The following ADSL variants were observed in gnomAD, a reference collection of about 807,000 sequenced individuals.
ADSL encodes adenylosuccinate lyase.
In ADSL, 44 loss-of-function variants were observed where a neutral mutation model predicts 62.1. The ratio of observed to expected loss-of-function variants is 0.71; its 90% CI spans 0.56 to 0.91. The LOEUF is 0.91. ADSL is among the 40% of genes least tolerant of loss of function. The pLI is 0.00. For synonymous variants in ADSL, 198 were observed against 220.5 expected, an observed-to-expected ratio of 0.90 and a Z score of 0.90; for missense variants, 531 against 627.4, an observed-to-expected ratio of 0.85 and a Z score of 1.64.
chr22:40,372,410 C>T (rs147019181), downstream of ADSL, among the ~76,000 whole-genome samples: 2,767 of 152,130 alleles, frequency 0.018, 87 homozygotes, highest in African/African-American at 0.064. Flanking sequence ...CAGGCGTGAG[C>T]CACCGTGCCT....
chr22:40,374,909 A>G (rs1020997107), intron 2 of ADSL, among the ~76,000 whole-genome samples: 1 of 152,220 alleles, frequency 6.6e-6, no homozygotes, highest in African/African-American at 2.4e-5. Context: ...TACCAGTACT[A>G]TCAGTAGTAG....
downstream of ADSL, among the ~76,000 whole-genome samples, chr22:40,370,354 C>CAAAAAAAA (rs11328048): frequency 5.1e-4 from 44 of 86,392 alleles, no homozygotes; most frequent in African/African-American, 2.0e-3. Flanking sequence ...GACTCCATCT[C>CAAAAAAAA]AAAAAAAAAA....
At chr22:40,353,918 G>A (rs1454765181) in intron 3 of ADSL, 66 of 401,448 alleles carry the variant, frequency 1.6e-4, no homozygotes, top group Non-Finnish European at 3.7e-5. Flanking sequence ...GAGCCACCGC[G>A]CCCGGCCCAA....
At chr22:40,354,360 A>C (rs1277999228) in intron 4 of ADSL, 33 bp downstream of exon 4, 1 of 1,541,680 alleles carries the variant, frequency 6.5e-7, no homozygotes, top group African/African-American at 1.4e-5. Context: ...GTTTATGTGC[A>C]TATGGCTTTC....
chr22:40,361,743 A>G, intron 9 of ADSL, 108 bp downstream of exon 9: 5 of 1,438,940 alleles, frequency 3.5e-6, no homozygotes, highest in Non-Finnish European at 4.8e-6. Context: ...CTTATCCCCA[A>G]GGATCCCAGA....
intron 9 of ADSL, among the ~76,000 whole-genome samples, chr22:40,361,992 T>G (rs754565777): frequency 6.6e-6 from 1 of 152,124 alleles, no homozygotes; most frequent in Non-Finnish European, 1.5e-5. Context: ...ACTACTTGAG[T>G]AGCCCTGGGG....
intron 11 of ADSL, 36 bp downstream of exon 11, chr22:40,364,401 G>A (rs1242590460): frequency 3.8e-6 from 6 of 1,575,830 alleles, no homozygotes; most frequent in Admixed American, 1.7e-5. Flanking sequence ...TAAGTTGAGA[G>A]TGCACGTTTG....
At chr22:40,381,464 G>A (rs1422011417) in intron 2 of ADSL, among the ~76,000 whole-genome samples, 3 of 152,100 alleles carry the variant, frequency 2.0e-5, no homozygotes, top group Non-Finnish European at 4.4e-5. Context: ...GCATTTTAAC[G>A]ATGCAAGATA....
At chr22:40,346,810 G>C in intron 1 of ADSL, 99 bp downstream of exon 1, 1 of 1,296,590 alleles carries the variant, frequency 7.7e-7, no homozygotes, top group Non-Finnish European at 1.1e-6. Flanking sequence ...CCCCGGAGCT[G>C]CGGCCCGGCT....
intron 2 of ADSL, among the ~76,000 whole-genome samples, chr22:40,381,541 C>A (rs536786579): frequency 1.3e-5 from 2 of 152,292 alleles, no homozygotes; most frequent in South Asian, 4.1e-4. Flanking sequence ...AAAGGTAAAT[C>A]TAGAAGCTAA....
At chr22:40,353,451 C>T (rs928726923) in intron 3 of ADSL, 1 of 699,898 alleles carries the variant, frequency 1.4e-6, no homozygotes, top group East Asian at 2.7e-5. Flanking sequence ...TGCCACCTCA[C>T]CTGGCTAATT....
chr22:40,364,491 A>G, intron 11 of ADSL, 126 bp downstream of exon 11: 1 of 855,238 alleles, frequency 1.2e-6, no homozygotes, highest in Non-Finnish European at 1.9e-6. Flanking sequence ...GGTACAGAGC[A>G]GTGGCCATAA....
chr22:40,364,165 A>G (rs1447202941), intron 10 of ADSL, 111 bp from the exon 11 acceptor site: 3 of 804,094 alleles, frequency 3.7e-6, no homozygotes, highest in Non-Finnish European at 6.3e-6. Context: ...GTTACTCTCC[A>G]TAATGTGGTA....
At chr22:40,380,175 T>C (rs1328523011) in intron 2 of ADSL, among the ~76,000 whole-genome samples, 1 of 152,176 alleles carries the variant, frequency 6.6e-6, no homozygotes, top group African/African-American at 2.4e-5. Context: ...CTTTATACAG[T>C]GCTGGAAATG....
At chr22:40,352,741 C>T (rs1218089499) in intron 2 of ADSL, among the ~76,000 whole-genome samples, 3 of 152,114 alleles carry the variant, frequency 2.0e-5, no homozygotes, top group African/African-American at 7.2e-5. Flanking sequence ...CTAAGCAGTC[C>T]ACCTGCTTCA....
chr22:40,364,965 G>A lies in ADSL; in HGVS notation c.1277G>A (p.Arg426His), dbSNP rs119450941. Residue 426 changes from arginine (R) to histidine (H), a missense_variant, in exon 12 of 13, where the codon CGT becomes CAT. Arg to His is a conservative substitution (Grantham distance 29, BLOSUM62 0). Coordinates refer to ENST00000623063, the MANE Select transcript of ADSL (RefSeq NM_000026.4). ...QEGGDNDLIERIQVDAYFSPI... is the reference protein window; with the variant it reads ...QEGGDNDLIEHIQVDAYFSPI... ...GGGGGTGACAATGACCTCATAGAGC[G>A]TATCCAGGTTGATGCCTACTTCAGT... The A allele has an allele frequency of 2.7e-4, 433 of 1,613,934 alleles. No homozygotes were observed. The highest frequency in any genetic ancestry group is 3.4e-4 in the Non-Finnish European group (402 of 1,179,946).
chr22:40,384,406 G>T (rs540345459), intron 2 of ADSL, among the ~76,000 whole-genome samples: 10 of 152,294 alleles, frequency 6.6e-5, no homozygotes, highest in Admixed American at 1.3e-4. Context: ...GCACAGTGGT[G>T]TGCAGCTGTA....
chr22:40,365,074 C>G lies in ADSL; in HGVS notation c.1368+18C>G. On this transcript the variant is annotated intron_variant, in intron 12 of 12. Coordinates refer to ENST00000623063, the MANE Select transcript of ADSL (RefSeq NM_000026.4). ...CCCAGCAGGTAAGCTTCCAAGAAGC[C>G]TCTTTTCTGCTGGGCTGCAGAACCT... 1 of 1,607,434 alleles carries G rather than the reference C, an allele frequency of 6.2e-7. No homozygotes were observed.
intron 2 of ADSL, among the ~76,000 whole-genome samples, chr22:40,351,610 C>T (rs1370115961): frequency 6.6e-6 from 1 of 152,012 alleles, no homozygotes; most frequent in Non-Finnish European, 1.5e-5. Flanking sequence ...CCTGGCCTAG[C>T]TTGTGCTCTT....
Sources: allele counts gnomAD v4.1 joint callset (sites outside exome capture counted in the v4.1 genomes callset), GRCh38; gene constraint gnomAD v4.1.1; transcripts MANE v1.5; gene names NCBI Gene and HGNC (gene_info 2026-07-23, HGNC 2026-07-21).